The following ANKFY1 variants were observed in gnomAD, a reference collection of about 807,000 sequenced individuals.
ANKFY1 encodes ankyrin repeat and FYVE domain-containing protein 1.
Under a neutral mutation model 128.3 loss-of-function variants are expected in ANKFY1, and 47 were observed. That is an observed-to-expected ratio of 0.37 (90% CI 0.29 to 0.47). ANKFY1 has a LOEUF of 0.47. Among genes scored for constraint, ANKFY1 ranks in the 20% least tolerant of loss-of-function variants. The probability of loss-of-function intolerance (pLI) is 1.00; values close to 1 mark genes in which losing one functional copy is unlikely to be tolerated. For missense variants in ANKFY1, 1,222 were observed against 1,510.6 expected (o/e 0.81, Z 3.17); for synonymous variants, 553 against 601.6 (o/e 0.92, Z 1.18).
At chr17:4,263,807 C>G in intron 1 of ANKFY1, 125 bp downstream of exon 1, 1 of 1,605,180 alleles carries the variant, frequency 6.2e-7, no homozygotes, top group Non-Finnish European at 8.5e-7. Flanking sequence ...GACAGGAAGG[C>G]TCGCGAGACC....
At position 4,179,733 on chromosome 17, in the gene ANKFY1, G is replaced by A. The variant is rs369709173; in HGVS notation, c.2385C>T (p.Asn795=). 3.7e-5 allele frequency: 59 copies of A among 1,614,104 alleles called. No individual in the cohort carries two copies. The highest frequency in any genetic ancestry group is 2.3e-4 in the Admixed American group (14 of 60,022). The change falls in exon 17 of 25, where the codon AAC becomes AAT. Residue 795 remains asparagine (N), a synonymous_variant. Coordinates refer to ENST00000341657, the MANE Select transcript of ANKFY1 (RefSeq NM_001330063.2). ...TVQCLLEFGA[N]VNAQDAEGRT... ...AGAAACGACACACCTGTGCGTTCAC[G>A]TTGGCACCAAACTCCAGAAGACACT...
At chr17:4,202,252 T>A (rs982025033) in intron 7 of ANKFY1, among the ~76,000 whole-genome samples, 2 of 150,868 alleles carry the variant, frequency 1.3e-5, no homozygotes, top group South Asian at 4.2e-4. Context: ...AATAGAAAAA[T>A]TAGCCAAGCG....
chr17:4,168,840 C>A (rs769970667), intron 24 of ANKFY1: 5 of 226,778 alleles, frequency 2.2e-5, no homozygotes, highest in African/African-American at 4.4e-5. Flanking sequence ...ATGGGAACAG[C>A]CCCTTAGTTC....
chr17:4,225,183 C>T (rs11870809), intron 3 of ANKFY1, among the ~76,000 whole-genome samples: 45,133 of 151,734 alleles, frequency 0.3, 7,782 homozygotes, highest in Admixed American at 0.39. Flanking sequence ...ATGGCAAAAC[C>T]CCCTCTCTAC....
At chr17:4,223,812 C>G in intron 3 of ANKFY1, 1 of 1,437,072 alleles carries the variant, frequency 7.0e-7, no homozygotes, top group Non-Finnish European at 9.7e-7. Flanking sequence ...TCATGCAGGC[C>G]TGGGGGCCTA....
In ANKFY1 at chr17:4,181,915, A is replaced by C. The variant is rs1195393410; in HGVS notation, c.2121+266T>G. On this transcript the variant is annotated intron_variant, in intron 15 of 24. Transcript: ENST00000341657. This position sits in a 1 kb window ranked among gnomAD's most constrained non-coding sequence, Gnocchi z 4.9. ...AATGAGGACACCCCATAGCAAATCA[A>C]CCAACCCCAGGAGAAGGCTCCTGAG... Among the ~76,000 whole-genome samples, 1 of 152,202 alleles carries C rather than the reference A, an allele frequency of 6.6e-6. No individual in the cohort carries two copies. Among genetic ancestry groups the C allele is most frequent in the South Asian group, 2.1e-4 (1 of 4,832 alleles).
intron 7 of ANKFY1, 125 bp downstream of exon 7, chr17:4,206,196 A>G: frequency 2.0e-6 from 2 of 1,017,134 alleles, no homozygotes; most frequent in Admixed American, 4.4e-5. Flanking sequence ...ATTCTAGATC[A>G]TGTAGCCTGT....
chr17:4,227,836 G>T (rs2060449949), intron 3 of ANKFY1, among the ~76,000 whole-genome samples: 1 of 152,144 alleles, frequency 6.6e-6, no homozygotes, highest in Non-Finnish European at 1.5e-5. Flanking sequence ...GGCTAAAATT[G>T]TAAACAAAAA....
chr17:4,185,531 T>C (rs2059595892), intron 11 of ANKFY1, among the ~76,000 whole-genome samples: 2 of 152,024 alleles, frequency 1.3e-5, no homozygotes, highest in African/African-American at 4.8e-5. Context: ...AGCATCTCGC[T>C]GTGTTGCCCA....
rs751428903 is a variant in ANKFY1, at chr17:4,170,748, C to T, written c.3253G>A (p.Val1085Ile). ...NQGVNIFNYQ[V>I]ATKQLLFRLL... ...CGGAACAGGAGCTGCTTGGTGGCGA[C>T]CTGGTAGTTGAAGATGTTGACTCCC... The change falls in exon 23 of 25, where the codon GTC becomes ATC. Residue 1085 changes from valine to isoleucine, a missense_variant. Physicochemically the swap from Val to Ile is conservative, Grantham distance 29 (BLOSUM62 3). Transcript: ENST00000341657. 3 of 1,613,654 alleles carry T rather than the reference C, an allele frequency of 1.9e-6. No homozygotes were observed. The South Asian group carries it at 3.3e-5, about 18-fold the overall frequency.
In ANKFY1 at chr17:4,165,238, AG is replaced by A. The variant is rs1333658201; in HGVS notation, c.*2540del. The A allele has an allele frequency of 3.3e-5, 5 of 152,264 alleles. No individual in the cohort carries two copies. Among genetic ancestry groups the A allele is most frequent in the Non-Finnish European group, 7.3e-5 (5 of 68,040 alleles). 9.4% of individuals were successfully genotyped at this position (152,264 alleles called of 1,614,324 possible). ...GGATAATAAATCTGGCGATGAGCAA[AG>A]GGCAGTTGAGAGCACATTCAGCATA... On this transcript the variant is annotated 3_prime_UTR_variant, in exon 25 of 25. Transcript: ENST00000341657.
chr17:4,248,237 G>A (rs1967660269), intron 1 of ANKFY1, among the ~76,000 whole-genome samples: 1 of 148,992 alleles, frequency 6.7e-6, no homozygotes, highest in African/African-American at 2.6e-5. Context: ...GTGAGCTGCG[G>A]GCGAGTCAGC....
chr17:4,188,935 C>G (rs1377819044), intron 11 of ANKFY1: 1 of 153,044 alleles, frequency 6.5e-6, no homozygotes, highest in Non-Finnish European at 1.4e-5. Flanking sequence ...AACTCGGTAA[C>G]GTCCAACCCC....
chr17:4,231,303 C>T (rs79448132), intron 3 of ANKFY1, among the ~76,000 whole-genome samples: 7,908 of 152,080 alleles, frequency 0.052, 449 homozygotes, highest in African/African-American at 0.14. Context: ...TGAGACCAGC[C>T]TTGGCAACAC....
chr17:4,222,697 C>G (rs1048262888), intron 3 of ANKFY1: 7 of 864,418 alleles, frequency 8.1e-6, no homozygotes, highest in Non-Finnish European at 1.4e-5. Context: ...CCAACCACTT[C>G]TACGCGTGTT....
rs1454552601 is a variant in ANKFY1, at chr17:4,195,098, G to T, written c.1252C>A (p.Gln418Lys). ...ACATCTTCGAAGGGGTTCACAGACTGGTCAGAAGACACTGTGATATGCTGC... is the reference window on the plus strand; with the variant it reads ...ACATCTTCGAAGGGGTTCACAGACTTGTCAGAAGACACTGTGATATGCTGC... ...AVQHITVSSD[Q>K]SVNPFEDVPV... Residue 418 changes from glutamine (Q) to lysine (K), a missense_variant, in exon 10 of 25, where the codon CAG becomes AAG. Transcript: ENST00000341657. 2.5e-6 allele frequency: 4 copies of T among 1,614,038 alleles called. No individual in the cohort carries two copies. The African/African-American group carries it at 4.0e-5, about 16-fold the overall frequency.
intron 1 of ANKFY1, among the ~76,000 whole-genome samples, chr17:4,242,985 C>G (rs889228134): frequency 1.3e-5 from 2 of 152,212 alleles, no homozygotes; most frequent in African/African-American, 4.8e-5. Flanking sequence ...ACAGTAACAA[C>G]AATTTCCTAA....
In ANKFY1 at chr17:4,163,931, A is replaced by G. The variant is rs975986750; in HGVS notation, c.*3848T>C. 2 of 152,712 alleles carry G rather than the reference A, an allele frequency of 1.3e-5. No individual in the cohort carries two copies. The highest frequency in any genetic ancestry group is 2.9e-5 in the Non-Finnish European group (2 of 68,056). The allele number at this position is 152,712 out of a possible 1,614,324, so 9.5% of individuals were successfully genotyped here. A position where few individuals can be genotyped will look rare whatever the true frequency, so the allele number is the denominator to read the frequency against. On this transcript the variant is annotated 3_prime_UTR_variant, in exon 25 of 25. Coordinates refer to ENST00000341657, the MANE Select transcript of ANKFY1 (RefSeq NM_001330063.2). ...GCACAATTTTACTTCATTTTATTAT[A>G]AGGAATTGTTACAGAAAATGCAAAT...
intron 7 of ANKFY1, among the ~76,000 whole-genome samples, chr17:4,201,597 G>C (rs2059930083): frequency 6.6e-6 from 1 of 151,666 alleles, no homozygotes; most frequent in South Asian, 2.1e-4. Context: ...TACTTTATCA[G>C]AAAGGCTCTT....
Sources: gnomAD v4.1 joint callset for allele counts (sites outside exome capture counted in the v4.1 genomes callset) on GRCh38, gnomAD v4.1.1 for gene constraint, Gnocchi (gnomAD v3.1) non-coding constraint, MANE v1.5 for transcripts, NCBI Gene and HGNC (gene_info 2026-07-23, HGNC 2026-07-21) for gene names.